Variants in SPIDR observed in about 807,000 individuals in gnomAD.
SPIDR encodes DNA repair-scaffolding protein.
In SPIDR, 93 loss-of-function variants were observed where a neutral mutation model predicts 104.6. The ratio of observed to expected loss-of-function variants is 0.89; its 90% CI spans 0.75 to 1.06. The LOEUF (loss-of-function observed/expected upper bound fraction) is 1.06. Among genes scored for constraint, SPIDR ranks in the 50% least tolerant of loss-of-function variants. The pLI, the probability that SPIDR is intolerant of heterozygous loss-of-function variation, is 0.00. For missense variants in SPIDR, 1,154 were observed against 1,111.2 expected, an observed-to-expected ratio of 1.04 and a Z score of -0.55; for synonymous variants, 431 against 416.9, an observed-to-expected ratio of 1.03 and a Z score of -0.41.
In SPIDR at chr8:47,494,376, A is replaced by ACC. The variant is rs982813136; in HGVS notation, c.1097+53835_1097+53836dup. Among the ~76,000 whole-genome samples, 3 of 151,596 alleles carry ACC rather than the reference A, an allele frequency of 2.0e-5. 1 individual carries two copies. Among genetic ancestry groups the ACC allele is most frequent in the Admixed American group, 1.3e-4 (2 of 15,148 alleles). ...ACCATCACAGCTCACTGCAGCCTTGACCTCCCCAGGCTCAGACAATCCTCC... is the reference window on the plus strand; with the variant it reads ...ACCATCACAGCTCACTGCAGCCTTGACCCCTCCCCAGGCTCAGACAATCCTCC... On this transcript the variant is annotated intron_variant, in intron 8 of 19. Coordinates refer to ENST00000297423, the MANE Select transcript of SPIDR (RefSeq NM_001080394.4).
chr8:47,505,242 G>GAGGC lies in SPIDR; in HGVS notation c.1097+64713_1097+64716dup, dbSNP rs1204585850. Among the ~76,000 whole-genome samples the GAGGC allele has an allele frequency of 4.6e-5, 7 of 152,282 alleles. No individual in the cohort carries two copies. The South Asian group carries it at 8.3e-4, about 18-fold the overall frequency. On this transcript the variant is annotated intron_variant, in intron 8 of 19. Transcript: ENST00000297423. ...CCTGCCCCCAGAGGTGGAGGCTACA[G>GAGGC]AGGCAGGCAGGCAGGCCTCCTTGAG... is the stretch of plus-strand genomic sequence containing the variant.
At chr8:47,601,210 ATT>A (rs141661729) in intron 10 of SPIDR, among the ~76,000 whole-genome samples, 2,746 of 152,330 alleles carry the variant, frequency 0.018, 83 homozygotes, top group African/African-American at 0.064. Context: ...ATGAATATGC[ATT>A]CTGTGTGATG....
At chr8:47,348,208 G>A (rs2052589978) in intron 5 of SPIDR, among the ~76,000 whole-genome samples, 1 of 152,092 alleles carries the variant, frequency 6.6e-6, no homozygotes, top group South Asian at 2.1e-4. Flanking sequence ...CACTTTTGAA[G>A]CTTAGTTTGG....
intron 8 of SPIDR, among the ~76,000 whole-genome samples, chr8:47,571,023 A>G (rs974737257): frequency 2.6e-5 from 4 of 151,978 alleles, no homozygotes; most frequent in Non-Finnish European, 5.9e-5. Context: ...CCCGGGAGGC[A>G]GAAGTTGCAG....
intron 8 of SPIDR, among the ~76,000 whole-genome samples, chr8:47,501,576 A>G (rs1401128362): frequency 2.0e-5 from 3 of 152,340 alleles, no homozygotes; most frequent in East Asian, 1.9e-4. Flanking sequence ...AAATATAATC[A>G]TGTCATCTGC....
intron 5 of SPIDR, among the ~76,000 whole-genome samples, chr8:47,342,792 G>T (rs2051041053): frequency 6.6e-6 from 1 of 152,004 alleles, no homozygotes; most frequent in African/African-American, 2.4e-5. Flanking sequence ...TCTGACTTTA[G>T]GCTGTACTGT....
intron 11 of SPIDR, among the ~76,000 whole-genome samples, chr8:47,692,846 A>G (rs1021631074): frequency 3.3e-5 from 5 of 152,150 alleles, no homozygotes; most frequent in South Asian, 4.1e-4. Flanking sequence ...GGTTGTTTCT[A>G]CTTTCTGGGT....
rs1163664033 is a variant in SPIDR, at chr8:47,558,087, A to C, written c.1098-37724A>C. Among the ~76,000 whole-genome samples the C allele has an allele frequency of 3.3e-5, 5 of 152,246 alleles. No homozygotes were observed. The South Asian group carries it at 8.3e-4, about 25-fold the overall frequency. On this transcript the variant is annotated intron_variant, in intron 8 of 19. Transcript: ENST00000297423. ...ACACCACATTTAATCACTTGTTAGT[A>C]GAAGCTAACTACTGGGTACACATGT...
intron 8 of SPIDR, among the ~76,000 whole-genome samples, chr8:47,577,192 G>T (rs1483194990): frequency 6.6e-6 from 1 of 152,188 alleles, no homozygotes; most frequent in Non-Finnish European, 1.5e-5. Context: ...CATGGAGTGA[G>T]ATCTTTATTG....
At chr8:47,481,830 G>A (rs1254178859) in intron 8 of SPIDR, among the ~76,000 whole-genome samples, 1 of 152,198 alleles carries the variant, frequency 6.6e-6, no homozygotes, top group East Asian at 1.9e-4. Flanking sequence ...GAACTCTCTG[G>A]AGATAGTGGA....
intron 5 of SPIDR, among the ~76,000 whole-genome samples, chr8:47,320,249 A>G (rs1482406135): frequency 6.6e-6 from 1 of 152,226 alleles, no homozygotes; most frequent in Non-Finnish European, 1.5e-5. Flanking sequence ...GATGCAATAA[A>G]AAATGATAAA....
rs975944450 is a variant in SPIDR at position 47,291,672 on chromosome 8, T to A, written c.361+535T>A. Among the ~76,000 whole-genome samples, 28 of 152,328 alleles carry A rather than the reference T, an allele frequency of 1.8e-4. 1 individual carries two copies. The highest frequency in any genetic ancestry group is 3.4e-3 in the Middle Eastern group (1 of 294). Reference sequence around the variant, plus strand: ...AGATATTATTTTTACAGTTAACAACTTAAGCTTGGACTGATGAGAATGGAT... The same window carrying A: ...AGATATTATTTTTACAGTTAACAACATAAGCTTGGACTGATGAGAATGGAT... On this transcript the variant is annotated intron_variant, in intron 4 of 19. Coordinates refer to ENST00000297423, the MANE Select transcript of SPIDR (RefSeq NM_001080394.4).
chr8:47,400,631 T>G (rs570538329), intron 6 of SPIDR, among the ~76,000 whole-genome samples: 14 of 151,990 alleles, frequency 9.2e-5, no homozygotes, highest in African/African-American at 2.9e-4. Context: ...TGGTTTGCCC[T>G]GCAGGAAATG....
At position 47,298,651 on chromosome 8, in the gene SPIDR, T is replaced by C. The variant is rs1335885222; in HGVS notation, c.525+4621T>C. On this transcript the variant is annotated intron_variant, in intron 5 of 19. Coordinates refer to ENST00000297423, the MANE Select transcript of SPIDR (RefSeq NM_001080394.4). ...TTGTATAAGGTGTAAGGAAGGGATC[T>C]GGTTTCAGCTTTCTACATATGGCTA... is the stretch of plus-strand genomic sequence containing the variant. Among the ~76,000 whole-genome samples, 181 of 152,278 alleles carry C rather than the reference T, an allele frequency of 1.2e-3. 1 individual carries two copies. The highest frequency in any genetic ancestry group is 3.8e-3 in the African/African-American group (158 of 41,558).
intron 8 of SPIDR, among the ~76,000 whole-genome samples, chr8:47,464,726 C>G (rs531635634): frequency 5.9e-5 from 9 of 152,038 alleles, no homozygotes; most frequent in Admixed American, 3.9e-4. Context: ...CCATCCCGTC[C>G]TTGCCTCGCC....
At chr8:47,565,528 G>A (rs1298871571) in intron 8 of SPIDR, among the ~76,000 whole-genome samples, 1 of 151,792 alleles carries the variant, frequency 6.6e-6, no homozygotes, top group Non-Finnish European at 1.5e-5. Context: ...TTACAGATAT[G>A]ATACAGAAAA....
chr8:47,440,970 A>C (rs1554696592), intron 8 of SPIDR, among the ~76,000 whole-genome samples: 1 of 152,212 alleles, frequency 6.6e-6, no homozygotes, highest in East Asian at 1.9e-4. Context: ...GCAGGAGCAA[A>C]AATGGTCATT....
intron 8 of SPIDR, among the ~76,000 whole-genome samples, chr8:47,454,003 A>G (rs1184793931): frequency 6.6e-6 from 1 of 152,224 alleles, no homozygotes; most frequent in African/African-American, 2.4e-5. Flanking sequence ...ATGTGGAGAA[A>G]TAGGAACACT....
At chr8:47,489,406 T>C (rs1400437176) in intron 8 of SPIDR, among the ~76,000 whole-genome samples, 11 of 152,160 alleles carry the variant, frequency 7.2e-5, no homozygotes, top group Non-Finnish European at 1.2e-4. Flanking sequence ...AGAATCAATA[T>C]TGGGAAAATG....
Sources: gnomAD v4.1 joint callset for allele counts (sites outside exome capture counted in the v4.1 genomes callset) on GRCh38, gnomAD v4.1.1 for gene constraint, MANE v1.5 for transcripts, NCBI Gene and HGNC (gene_info 2026-07-23, HGNC 2026-07-21) for gene names.